Variants in RAG1 observed in about 807,000 individuals in gnomAD.
The protein encoded by RAG1 is recombination activating 1.
RAG1 carries 35 observed loss-of-function variants against 62.7 expected under a neutral mutation model. The ratio of observed to expected loss-of-function variants is 0.56; its 90% confidence interval spans 0.43 to 0.74. The LOEUF is 0.74. Ranked by LOEUF, RAG1 falls within the 30% of genes least tolerant of loss-of-function variation. The pLI is 0.00. For missense variants in RAG1, 1,169 were observed against 1,278.6 expected, an observed-to-expected ratio of 0.91 and a Z score of 1.31; for synonymous variants, 461 against 470.3, an observed-to-expected ratio of 0.98 and a Z score of 0.26.
chr11:36,537,394 G>T (rs903280749), downstream of RAG1, among the ~76,000 whole-genome samples: 1 of 152,040 alleles, frequency 6.6e-6, no homozygotes, highest in Non-Finnish European at 1.5e-5. Context: ...TGGTATCATG[G>T]GTGTATATAC....
In RAG1 at chr11:36,577,602, C is replaced by A. The variant is rs139938937; in HGVS notation, c.*1166C>A. ...GTTAACATTTACACAGTGCTTTTTACCACTGTGGAATGTTTTCACACTCAT... is the reference window on the plus strand; with the variant it reads ...GTTAACATTTACACAGTGCTTTTTAACACTGTGGAATGTTTTCACACTCAT... On this transcript the variant is annotated 3_prime_UTR_variant, in exon 2 of 2. Transcript: ENST00000299440. 6 of 167,102 alleles carry A rather than the reference C, an allele frequency of 3.6e-5. No homozygotes were observed. Among genetic ancestry groups the A allele is most frequent in the African/African-American group, 1.4e-4 (6 of 41,548 alleles). The allele number at this position is 167,102 out of a possible 1,614,324, so 10.4% of individuals were successfully genotyped here.
At chr11:36,527,901 G>A (rs1304383895) in intron 2 of RAG1, among the ~76,000 whole-genome samples, 1 of 152,166 alleles carries the variant, frequency 6.6e-6, no homozygotes, top group East Asian at 1.9e-4. Context: ...TGGGATGCTC[G>A]TAATTTTTGC....
chr11:36,558,313 C>A (rs1850532112), intron 3 of RAG1, among the ~76,000 whole-genome samples: 1 of 152,098 alleles, frequency 6.6e-6, no homozygotes, highest in South Asian at 2.1e-4. Flanking sequence ...CAGTTTAAAT[C>A]CAGTTTTGGT....
chr11:36,572,329 T>G (rs1352843239), intron 1 of RAG1, among the ~76,000 whole-genome samples: 1 of 152,246 alleles, frequency 6.6e-6, no homozygotes, highest in Non-Finnish European at 1.5e-5. Flanking sequence ...TTGACTTTTT[T>G]TCTGCATCGC....
intron 3 of RAG1, among the ~76,000 whole-genome samples, chr11:36,545,694 A>C (rs1172652156): frequency 1.3e-5 from 2 of 152,184 alleles, no homozygotes; most frequent in African/African-American, 4.8e-5. Flanking sequence ...ATTGGCAGAC[A>C]TTTAGGCCAT....
At chr11:36,557,644 T>C (rs963197221) in intron 3 of RAG1, among the ~76,000 whole-genome samples, 1 of 151,594 alleles carries the variant, frequency 6.6e-6, no homozygotes, top group Non-Finnish European at 1.5e-5. Context: ...CTCAACTTAA[T>C]TACTTCTTTA....
At chr11:36,527,632 T>C (rs1193451048) in intron 2 of RAG1, among the ~76,000 whole-genome samples, 1 of 152,156 alleles carries the variant, frequency 6.6e-6, no homozygotes, top group East Asian at 1.9e-4. Flanking sequence ...AAGTCAGTGG[T>C]AGGTTGTTGG....
chr11:36,562,143 G>T (rs1850593976), intron 3 of RAG1, among the ~76,000 whole-genome samples: 2 of 152,142 alleles, frequency 1.3e-5, no homozygotes, highest in African/African-American at 4.8e-5. Context: ...AAAGTGATTT[G>T]ACTTATAGTT....
intron 1 of RAG1, among the ~76,000 whole-genome samples, chr11:36,517,531 G>A (rs1362378572): frequency 2.0e-5 from 3 of 152,328 alleles, no homozygotes; most frequent in Non-Finnish European, 2.9e-5. Flanking sequence ...GTAAGTGTGT[G>A]TGTGTGTTTG....
rs181441947 is a variant in RAG1, at chr11:36,524,415, G to T, written n.428+4186G>T. Among the ~76,000 whole-genome samples the T allele has an allele frequency of 1.2e-4, 18 of 150,746 alleles. 1 individual carries two copies. Among genetic ancestry groups the T allele is most frequent in the African/African-American group, 3.9e-4 (16 of 41,178 alleles). ...TCTCTACCAAGGTACATTCCCACCAGCAATGTATAAGTGATTTAGCTTTAT... is the reference window on the plus strand; with the variant it reads ...TCTCTACCAAGGTACATTCCCACCATCAATGTATAAGTGATTTAGCTTTAT... On this transcript the variant is annotated intron_variant and non_coding_transcript_variant, in intron 2 of 2. Coordinates refer to the RAG1 transcript ENST00000529126.
In RAG1 at chr11:36,577,509, A is replaced by G. The variant is rs1318999758; in HGVS notation, c.*1073A>G. 1 of 167,076 alleles carries G rather than the reference A, an allele frequency of 6.0e-6. No individual in the cohort carries two copies. Among genetic ancestry groups the G allele is most frequent in the Non-Finnish European group, 1.5e-5 (1 of 68,108 alleles). 10.3% of individuals were successfully genotyped at this position (167,076 alleles called of 1,614,324 possible). Reference sequence around the variant, plus strand: ...ACTTTCAGTGGATTCAGAATTGTGTAGCAGGATAACCTTGTATTTTTCCAT... The same window carrying G: ...ACTTTCAGTGGATTCAGAATTGTGTGGCAGGATAACCTTGTATTTTTCCAT... On this transcript the variant is annotated 3_prime_UTR_variant, in exon 2 of 2. Coordinates refer to ENST00000299440, the MANE Select transcript of RAG1 (RefSeq NM_000448.3).
At chr11:36,551,212 A>G (rs1246234336) in intron 3 of RAG1, among the ~76,000 whole-genome samples, 1 of 152,136 alleles carries the variant, frequency 6.6e-6, no homozygotes, top group Non-Finnish European at 1.5e-5. Context: ...TGCCTCAATG[A>G]TAAGAAAGTG....
At chr11:36,528,556 C>T (rs1304836152) in intron 2 of RAG1, among the ~76,000 whole-genome samples, 6 of 151,670 alleles carry the variant, frequency 4.0e-5, no homozygotes, top group Admixed American at 3.9e-4. Flanking sequence ...GATCTAAAAT[C>T]AACACCCTAA....
Position 36,579,244 on chromosome 11 carries a change from T to C in RAG1, c.*2808T>C, listed in dbSNP as rs979022368. The C allele has an allele frequency of 2.4e-5, 4 of 167,072 alleles. No homozygotes were observed. The highest frequency in any genetic ancestry group is 9.7e-5 in the African/African-American group (4 of 41,446). The allele number at this position is 167,072 out of a possible 1,614,324, so 10.3% of individuals were successfully genotyped here. A position where few individuals can be genotyped will look rare whatever the true frequency, so the allele number is the denominator to read the frequency against. ...TTCCACACAGATAAGAGGCAGGATA[T>C]ATAAGCGCCAGTGGTAGTTGGGAGG... is the stretch of plus-strand genomic sequence containing the variant. On this transcript the variant is annotated 3_prime_UTR_variant, in exon 2 of 2. Transcript: ENST00000299440.
intron 3 of RAG1, among the ~76,000 whole-genome samples, chr11:36,542,046 C>A (rs1472292924): frequency 1.3e-5 from 2 of 152,052 alleles, no homozygotes; most frequent in Non-Finnish European, 2.9e-5. Flanking sequence ...TATCAGACAC[C>A]CGATCTTGCA....
intron 3 of RAG1, among the ~76,000 whole-genome samples, chr11:36,557,585 C>G (rs1850522213): frequency 6.6e-6 from 1 of 152,084 alleles, no homozygotes; most frequent in Non-Finnish European, 1.5e-5. Flanking sequence ...GTCGCTCACG[C>G]TGGGAGCTGT....
Position 36,575,622 on chromosome 11 carries a change from A to G in RAG1, c.2318A>G (p.Glu773Gly), listed in dbSNP as rs374387337. The G allele has an allele frequency of 6.2e-7, 1 of 1,614,210 alleles. No individual in the cohort carries two copies. Among genetic ancestry groups the G allele is most frequent in the Non-Finnish European group, 8.5e-7 (1 of 1,180,040 alleles). The change falls in exon 2 of 2, where the codon GAA becomes GGA. Residue 773 changes from glutamate to glycine, a missense_variant. Transcript: ENST00000299440. This position sits in a 1 kb window ranked among gnomAD's most constrained non-coding sequence, Gnocchi z 4.1. ...TCCAACCCTTACCATGAGTCTGTGG[A>G]AGAACTGCGGGATCGGGTGAAAGGG... Reference protein sequence around the residue: ...WRSNPYHESVEELRDRVKGVS... With the variant: ...WRSNPYHESVGELRDRVKGVS...
intron 1 of RAG1, among the ~76,000 whole-genome samples, chr11:36,572,929 A>G (rs1407838904): frequency 6.6e-6 from 1 of 152,210 alleles, no homozygotes; most frequent in Non-Finnish European, 1.5e-5. Context: ...GTTTATCTTT[A>G]CATTTACTGA....
chr11:36,572,641 C>T (rs1850766726), intron 1 of RAG1, among the ~76,000 whole-genome samples: 1 of 152,200 alleles, frequency 6.6e-6, no homozygotes, highest in Admixed American at 6.5e-5. Flanking sequence ...TAATTTACAA[C>T]AGCATTCACT....
Sources: gnomAD v4.1 joint callset for allele counts (sites outside exome capture counted in the v4.1 genomes callset) on GRCh38, gnomAD v4.1.1 for gene constraint, Gnocchi (gnomAD v3.1) non-coding constraint, MANE v1.5 for transcripts, NCBI Gene and HGNC (gene_info 2026-07-23, HGNC 2026-07-21) for gene names.